The following C2CD4A variants were observed in gnomAD, a reference collection of about 807,000 sequenced individuals.
C2CD4A encodes C2 calcium-dependent domain-containing protein 4A.
C2CD4A carries 2 observed loss-of-function variants against 0.4 expected under a neutral mutation model. The observed-to-expected ratio is 4.45, with a 90% CI of 1.82 to 13.99. C2CD4A has a LOEUF of 13.99. Among genes scored for constraint, C2CD4A ranks in the 30% most tolerant of loss-of-function variants. C2CD4A has a pLI of 0.04. For synonymous variants in C2CD4A, 297 were observed against 280.8 expected (o/e 1.06, Z -0.58); for missense variants, 610 against 574.2 (o/e 1.06, Z -0.64).
chr15:62,068,429 C>G lies in C2CD4A; in HGVS notation c.816C>G (p.Leu272=). 2 of 1,404,132 alleles carry G rather than the reference C, an allele frequency of 1.4e-6. No homozygotes were observed. The highest frequency in any genetic ancestry group is 1.8e-6 in the Non-Finnish European group (2 of 1,089,020). The allele number at this position is 1,404,132 out of a possible 1,614,324, so 87.0% of individuals were successfully genotyped here. A position where few individuals can be genotyped will look rare whatever the true frequency, so the allele number is the denominator to read the frequency against. ...EYCPGTGRLR[L]RLLRAESPAG... is the part of the protein sequence containing the mutation. ...GTCCGGGAACCGGGCGGCTCCGCCT[C>G]CGGCTGCTCCGCGCCGAGAGCCCGG... is the stretch of plus-strand genomic sequence containing the variant. Residue 272 remains leucine, a synonymous_variant, in exon 2 of 2, where the codon CTC becomes CTG. Transcript: ENST00000355522.
In C2CD4A at chr15:62,068,552, G is replaced by T; in HGVS notation, c.939G>T (p.Gly313=). The change falls in exon 2 of 2, where the codon GGG becomes GGT. Residue 313 remains glycine (G), a synonymous_variant. Coordinates refer to ENST00000355522, the MANE Select transcript of C2CD4A (RefSeq NM_207322.3). The part of the protein sequence containing the change: ...TALRQCSTVV[G]RSRKASFDQD... The stretch of plus-strand genomic sequence containing the variant: ...TTCGGCAATGCAGCACTGTGGTGGG[G>T]CGCAGCCGCAAGGCCTCCTTTGACC... 1.3e-6 allele frequency: 2 copies of T among 1,567,518 alleles called. No homozygotes were observed. Among genetic ancestry groups the T allele is most frequent in the Non-Finnish European group, 1.7e-6 (2 of 1,156,814 alleles).
rs1368865525 is a variant in C2CD4A at position 62,069,762 on chromosome 15, C to T, written c.*1039C>T. The T allele has an allele frequency of 6.0e-6, 1 of 167,056 alleles. No homozygotes were observed. Among genetic ancestry groups the T allele is most frequent in the African/African-American group, 2.4e-5 (1 of 41,416 alleles). 10.3% of individuals were successfully genotyped at this position (167,056 alleles called of 1,614,324 possible). ...ACTCATTACTCTTATGTAGGTAATACCACAGTGTCTAAAGGGCTCGCTATT... is the reference window on the plus strand; with the variant it reads ...ACTCATTACTCTTATGTAGGTAATATCACAGTGTCTAAAGGGCTCGCTATT... On this transcript the variant is annotated 3_prime_UTR_variant, in exon 2 of 2. Coordinates refer to ENST00000355522, the MANE Select transcript of C2CD4A (RefSeq NM_207322.3).
chr15:62,070,780 A>C lies in C2CD4A; in HGVS notation c.*2057A>C, dbSNP rs563467652. ...ATGTGCTCTTCTATCTAATCAGTCA[A>C]TATTTCCTTGGCCCTCAAGCCAACA... On this transcript the variant is annotated 3_prime_UTR_variant, in exon 2 of 2. Transcript: ENST00000355522. The C allele has an allele frequency of 2.9e-6, 1 of 341,308 alleles. No homozygotes were observed. The highest frequency in any genetic ancestry group is 2.1e-5 in the African/African-American group (1 of 47,466). The allele number at this position is 341,308 out of a possible 1,614,324, so 21.1% of individuals were successfully genotyped here.
At position 62,068,502 on chromosome 15, in the gene C2CD4A, G is replaced by C. The variant is rs1439404804; in HGVS notation, c.889G>C (p.Val297Leu). 19 of 1,510,166 alleles carry C rather than the reference G, an allele frequency of 1.3e-5. No homozygotes were observed. The highest frequency in any genetic ancestry group is 3.4e-4 in the Middle Eastern group (2 of 5,818). 93.5% of individuals were successfully genotyped at this position (1,510,166 alleles called of 1,614,324 possible). Residue 297 changes from valine to leucine, a missense_variant, in exon 2 of 2, where the codon GTC becomes CTC. Coordinates refer to ENST00000355522, the MANE Select transcript of C2CD4A (RefSeq NM_207322.3). ...PRAVSCRLSL[V>L]LRPPGTALRQ... ...AGCCGTCAGCTGTCGCCTCAGCCTC[G>C]TCCTGCGGCCGCCGGGCACCGCGCT... is the stretch of plus-strand genomic sequence containing the variant.
chr15:62,068,875 A>G lies in C2CD4A; in HGVS notation c.*152A>G, dbSNP rs1555456241. 1.7e-5 allele frequency: 20 copies of G among 1,146,480 alleles called. No individual in the cohort carries two copies. The South Asian group carries it at 4.5e-4, about 26-fold the overall frequency. The allele number at this position is 1,146,480 out of a possible 1,614,324, so 71.0% of individuals were successfully genotyped here. ...TCTAGATTAACTATCCCAGTAAAAG[A>G]TATGATATTTTCCATAGATACCTCC... On this transcript the variant is annotated 3_prime_UTR_variant, in exon 2 of 2. Transcript: ENST00000355522.
In C2CD4A at chr15:62,070,187, T is replaced by C. The variant is rs1394841702; in HGVS notation, c.*1464T>C. ...CATTTTTTTCTTTTTTTTATGCAAATAGGAAAATGCATCCTAAATGAGGGT... is the reference window on the plus strand; with the variant it reads ...CATTTTTTTCTTTTTTTTATGCAAACAGGAAAATGCATCCTAAATGAGGGT... On this transcript the variant is annotated 3_prime_UTR_variant, in exon 2 of 2. Coordinates refer to ENST00000355522, the MANE Select transcript of C2CD4A (RefSeq NM_207322.3). 3 of 411,662 alleles carry C rather than the reference T, an allele frequency of 7.3e-6. No individual in the cohort carries two copies. Among genetic ancestry groups the C allele is most frequent in the Admixed American group, 8.8e-5 (2 of 22,710 alleles). The allele number at this position is 411,662 out of a possible 1,614,324, so 25.5% of individuals were successfully genotyped here. A position where few individuals can be genotyped will look rare whatever the true frequency, so the allele number is the denominator to read the frequency against.
At position 62,070,626 on chromosome 15, in the gene C2CD4A, T is replaced by C. The variant is rs1420365320; in HGVS notation, c.*1903T>C. The C allele has an allele frequency of 2.4e-6, 1 of 412,878 alleles. No homozygotes were observed. The highest frequency in any genetic ancestry group is 4.4e-6 in the Non-Finnish European group (1 of 225,840). The allele number at this position is 412,878 out of a possible 1,614,324, so 25.6% of individuals were successfully genotyped here. On this transcript the variant is annotated 3_prime_UTR_variant, in exon 2 of 2. Transcript: ENST00000355522. ...CACAAATTAGGGTTATTGTGATGTGTATTTATGATGACCATTGAACAAATG... is the reference window on the plus strand; with the variant it reads ...CACAAATTAGGGTTATTGTGATGTGCATTTATGATGACCATTGAACAAATG...
rs1596557030 is a variant in C2CD4A at position 62,067,897 on chromosome 15, A to C, written c.284A>C (p.His95Pro). The C allele has an allele frequency of 6.3e-7, 1 of 1,598,756 alleles. No homozygotes were observed. The highest frequency in any genetic ancestry group is 8.5e-7 in the Non-Finnish European group (1 of 1,176,966). ...PRSQAALSLP[H>P]LPRVRTAYGF... is the part of the protein sequence containing the mutation. ...TCGCAGGCCGCGCTGTCACTGCCGC[A>C]CCTGCCCCGTGTGCGCACCGCCTAC... Residue 95 changes from histidine (H) to proline (P), a missense_variant, in exon 2 of 2, where the codon CAC becomes CCC. Coordinates refer to ENST00000355522, the MANE Select transcript of C2CD4A (RefSeq NM_207322.3).
At position 62,068,185 on chromosome 15, in the gene C2CD4A, G is replaced by C; in HGVS notation, c.572G>C (p.Arg191Pro). The C allele has an allele frequency of 7.7e-7, 1 of 1,300,066 alleles. No individual in the cohort carries two copies. The highest frequency in any genetic ancestry group is 9.8e-7 in the Non-Finnish European group (1 of 1,025,160). The allele number at this position is 1,300,066 out of a possible 1,614,324, so 80.5% of individuals were successfully genotyped here. Reference protein sequence around the residue: ...LLRVPDGLLSRALRAGRSRRL... With the variant: ...LLRVPDGLLSPALRAGRSRRL... Reference sequence around the variant, plus strand: ...CGCGTCCCCGACGGGCTGCTGAGTCGCGCGCTGCGGGCTGGGAGGAGTCGC... The same window carrying C: ...CGCGTCCCCGACGGGCTGCTGAGTCCCGCGCTGCGGGCTGGGAGGAGTCGC... The change falls in exon 2 of 2, where the codon CGC becomes CCC. Residue 191 changes from arginine to proline, a missense_variant. Coordinates refer to ENST00000355522, the MANE Select transcript of C2CD4A (RefSeq NM_207322.3).
chr15:62,068,696 G>C lies in C2CD4A; in HGVS notation c.1083G>C (p.Leu361=). The C allele has an allele frequency of 6.5e-7, 1 of 1,529,082 alleles. No homozygotes were observed. The highest frequency in any genetic ancestry group is 8.8e-7 in the Non-Finnish European group (1 of 1,135,414). The allele number at this position is 1,529,082 out of a possible 1,614,324, so 94.7% of individuals were successfully genotyped here. Reference sequence around the variant, plus strand: ...GCCGCCTGCTGGGCCAGGGTGAGCTGTCCCTGGGCGCCCTCCTGCTGCTCT... The same window carrying C: ...GCCGCCTGCTGGGCCAGGGTGAGCTCTCCCTGGGCGCCCTCCTGCTGCTCT... ...ERGRLLGQGE[L]SLGALLLL The change falls in exon 2 of 2, where the codon CTG becomes CTC. Residue 361 remains leucine (L), a synonymous_variant. Coordinates refer to ENST00000355522, the MANE Select transcript of C2CD4A (RefSeq NM_207322.3).
At chr15:62,067,555 T>C in intron 1 of C2CD4A, 30 bp from the exon 2 acceptor site, 5 of 1,513,900 alleles carry the variant, frequency 3.3e-6, no homozygotes, top group Non-Finnish European at 4.4e-6. Flanking sequence ...GGACTCGCTC[T>C]GACGATCCTT....
chr15:62,067,675 T>C lies in C2CD4A; in HGVS notation c.62T>C (p.Leu21Pro), dbSNP rs779937490. Residue 21 changes from leucine (L) to proline (P), a missense_variant, in exon 2 of 2, where the codon CTT (leucine) becomes CCT (proline). By Grantham distance (98) the Leu-to-Pro change is moderately conservative. Coordinates refer to ENST00000355522, the MANE Select transcript of C2CD4A (RefSeq NM_207322.3). ...PECLRRSGDW[L>P]LPGRARGAKS... ...TGCCTTCGGCGGAGCGGAGACTGGC[T>C]TCTCCCGGGTCGGGCCCGCGGAGCC... The C allele has an allele frequency of 1.3e-5, 21 of 1,607,522 alleles. No individual in the cohort carries two copies. Among genetic ancestry groups the C allele is most frequent in the Non-Finnish European group, 1.7e-5 (20 of 1,179,718 alleles).
Position 62,068,047 on chromosome 15 carries a change from TG to T in C2CD4A, c.438del (p.Thr147ProfsTer43), listed in dbSNP as rs1299716632. The stretch of plus-strand genomic sequence containing the variant: ...GGCGGCGGCGGCCCGGACGCCCTCC[TG>T]GGGACCCTGCGCGTCCCGCGAGCTC... Reference protein sequence around the residue: ...YGGGGGPDALLGTLRVPRAPG... With the variant: ...YGGGGGPDALXGTLRVPRAPG... On this transcript the variant is annotated frameshift_variant, in exon 2 of 2. Coordinates refer to ENST00000355522, the MANE Select transcript of C2CD4A (RefSeq NM_207322.3). 1 of 1,215,170 alleles carries T rather than the reference TG, an allele frequency of 8.2e-7. No individual in the cohort carries two copies. The highest frequency in any genetic ancestry group is 1.0e-6 in the Non-Finnish European group (1 of 980,180). 75.3% of individuals were successfully genotyped at this position (1,215,170 alleles called of 1,614,324 possible).
chr15:62,069,293 T>C lies in C2CD4A; in HGVS notation c.*570T>C, dbSNP rs2049069007. 1 of 167,070 alleles carries C rather than the reference T, an allele frequency of 6.0e-6. No individual in the cohort carries two copies. Among genetic ancestry groups the C allele is most frequent in the African/African-American group, 2.4e-5 (1 of 41,462 alleles). 10.3% of individuals were successfully genotyped at this position (167,070 alleles called of 1,614,324 possible). A position where few individuals can be genotyped will look rare whatever the true frequency, so the allele number is the denominator to read the frequency against. The stretch of plus-strand genomic sequence containing the variant: ...TTAATATTCTAAGCTTAAATAATAG[T>C]TATAATAGGCTAGGTGTGGCGGCTC... On this transcript the variant is annotated 3_prime_UTR_variant, in exon 2 of 2. Transcript: ENST00000355522.
Position 62,070,262 on chromosome 15 carries a change from C to A in C2CD4A, c.*1539C>A. 1 of 412,978 alleles carries A rather than the reference C, an allele frequency of 2.4e-6. No homozygotes were observed. Among genetic ancestry groups the A allele is most frequent in the South Asian group, 1.3e-4 (1 of 7,740 alleles). The allele number at this position is 412,978 out of a possible 1,614,324, so 25.6% of individuals were successfully genotyped here. On this transcript the variant is annotated 3_prime_UTR_variant, in exon 2 of 2. Transcript: ENST00000355522. ...ATACAGGATGGTGTTAAATATGACT[C>A]CATTATCAATCTGGATTCAGAAATG...
Position 62,068,454 on chromosome 15 carries a change from G to A in C2CD4A, c.841G>A (p.Ala281Thr), listed in dbSNP as rs2049062165. 2 of 1,424,542 alleles carry A rather than the reference G, an allele frequency of 1.4e-6. No homozygotes were observed. Among genetic ancestry groups the A allele is most frequent in the Admixed American group, 3.1e-5 (1 of 32,304 alleles). 88.2% of individuals were successfully genotyped at this position (1,424,542 alleles called of 1,614,324 possible). A position where few individuals can be genotyped will look rare whatever the true frequency, so the allele number is the denominator to read the frequency against. ...CCGGCTGCTCCGCGCCGAGAGCCCG[G>A]CCGGAGGCGCCCCCGGGCCCCGAGC... ...RLRLLRAESP[A>T]GGAPGPRAVS... The change falls in exon 2 of 2, where the codon GCC (alanine) becomes ACC (threonine). Residue 281 changes from alanine to threonine, a missense_variant. Ala to Thr is a moderately conservative substitution (Grantham distance 58, BLOSUM62 0). Transcript: ENST00000355522.
At position 62,070,781 on chromosome 15, in the gene C2CD4A, T is replaced by C. The variant is rs532186629; in HGVS notation, c.*2058T>C. 2.9e-5 allele frequency: 10 copies of C among 340,206 alleles called. No individual in the cohort carries two copies. The East Asian group carries it at 4.7e-4, about 16-fold the overall frequency. 21.1% of individuals were successfully genotyped at this position (340,206 alleles called of 1,614,324 possible). ...TGTGCTCTTCTATCTAATCAGTCAA[T>C]ATTTCCTTGGCCCTCAAGCCAACAT... On this transcript the variant is annotated 3_prime_UTR_variant, in exon 2 of 2. Coordinates refer to ENST00000355522, the MANE Select transcript of C2CD4A (RefSeq NM_207322.3).
rs752020276 is a variant in C2CD4A at position 62,068,620 on chromosome 15, G to T, written c.1007G>T (p.Arg336Leu). The T allele has an allele frequency of 1.9e-6, 3 of 1,559,670 alleles. No individual in the cohort carries two copies. Among genetic ancestry groups the T allele is most frequent in the Non-Finnish European group, 1.7e-6 (2 of 1,152,062 alleles). ...GGCCTCTCGGAGGACGAAGTGCGCC[G>T]CCTGGCCGTTCGAGTCAAGGCCCGG... ...FDGLSEDEVR[R>L]LAVRVKARDE... The change falls in exon 2 of 2, where the codon CGC (arginine) becomes CTC (leucine). Residue 336 changes from arginine to leucine, a missense_variant. Transcript: ENST00000355522.
Position 62,067,936 on chromosome 15 carries a change from T to C in C2CD4A, c.323T>C (p.Leu108Pro), listed in dbSNP as rs774983317. Residue 108 changes from leucine to proline, a missense_variant, in exon 2 of 2, where the codon CTG (leucine) becomes CCG (proline). Physicochemically the swap from Leu to Pro is moderately conservative, Grantham distance 98. Coordinates refer to ENST00000355522, the MANE Select transcript of C2CD4A (RefSeq NM_207322.3). ...RVRTAYGFCA[L>P]LESPHTRRKE... is the part of the protein sequence containing the mutation. ...CGCACCGCCTACGGCTTCTGCGCGC[T>C]GCTCGAGAGCCCGCACACGCGCCGC... is the stretch of plus-strand genomic sequence containing the variant. 6 of 1,570,120 alleles carry C rather than the reference T, an allele frequency of 3.8e-6. No homozygotes were observed. The highest frequency in any genetic ancestry group is 4.6e-4 in the Middle Eastern group (2 of 4,390).
Sources: gnomAD v4.1 joint callset for allele counts on GRCh38, gnomAD v4.1.1 for gene constraint, MANE v1.5 for transcripts, NCBI Gene and HGNC (gene_info 2026-07-23, HGNC 2026-07-21) for gene names.